Variants in RIF1 observed in about 807,000 individuals in gnomAD.
RIF1 encodes telomere-associated protein RIF1.
Under a neutral mutation model 247.1 loss-of-function variants are expected in RIF1, and 45 were observed. The observed-to-expected ratio is 0.18, with a 90% confidence interval of 0.14 to 0.23. RIF1 has a LOEUF of 0.23. Among genes scored for constraint, RIF1 ranks in the 10% least tolerant of loss-of-function variants. The probability of loss-of-function intolerance (pLI) is 1.00; values close to 1 mark genes in which losing one functional copy is unlikely to be tolerated. For missense variants in RIF1, 2,967 were observed against 2,862.5 expected, an observed-to-expected ratio of 1.04 and a Z score of -0.83; for synonymous variants, 1,087 against 978.8, an observed-to-expected ratio of 1.11 and a Z score of -2.06.
intron 9 of RIF1, chr2:151,492,744 TG>T: frequency 3.2e-6 from 1 of 307,710 alleles, no homozygotes; most frequent in Non-Finnish European, 6.0e-6. Flanking sequence ...GGTATAATTT[TG>T]AAAAGAGAGT....
intron 25 of RIF1, among the ~76,000 whole-genome samples, chr2:151,459,697 G>T (rs1439036331): frequency 6.6e-6 from 1 of 152,178 alleles, no homozygotes; most frequent in Admixed American, 6.5e-5. Context: ...AATATTTTCA[G>T]TTACAGGTAG....
At chr2:151,425,907 G>T (rs1688987440) in intron 8 of RIF1, among the ~76,000 whole-genome samples, 1 of 151,114 alleles carries the variant, frequency 6.6e-6, no homozygotes, top group South Asian at 2.1e-4. Flanking sequence ...TCGAACTTCT[G>T]AGCTCTAGAG....
chr2:151,456,232 A>G (rs984896701), intron 22 of RIF1, among the ~76,000 whole-genome samples: 1 of 152,246 alleles, frequency 6.6e-6, no homozygotes, highest in Non-Finnish European at 1.5e-5. Flanking sequence ...GATTTTATAA[A>G]GTACGATACA....
chr2:151,480,877 G>C lies in RIF1; in HGVS notation c.*5806G>C, dbSNP rs1387847006. 1 of 152,164 alleles carries C rather than the reference G, an allele frequency of 6.6e-6. No individual in the cohort carries two copies. Among genetic ancestry groups the C allele is most frequent in the East Asian group, 1.9e-4 (1 of 5,204 alleles). The allele number at this position is 152,164 out of a possible 1,614,324, so 9.4% of individuals were successfully genotyped here. On this transcript the variant is annotated 3_prime_UTR_variant, in exon 36 of 36. Transcript: ENST00000444746. The stretch of plus-strand genomic sequence containing the variant: ...TCTTAACTCCTAAGTTTTTTACAGA[G>C]CACAGATTGGTAAACTAGCATGCCA...
Position 151,505,791 on chromosome 2 carries a change from C to T in RIF1, c.*862-419C>T, listed in dbSNP as rs577111489. On this transcript the variant is annotated intron_variant and NMD_transcript_variant, in intron 12 of 13. Transcript: ENST00000454583. ...TTGTCTCTCTCTCGTCTCTTTGGGGCAGGGATGGGGGCCCCTATTTAGACT... is the reference window on the plus strand; with the variant it reads ...TTGTCTCTCTCTCGTCTCTTTGGGGTAGGGATGGGGGCCCCTATTTAGACT... Among the ~76,000 whole-genome samples, 25 of 152,250 alleles carry T rather than the reference C, an allele frequency of 1.6e-4. 1 individual carries two copies. The South Asian group carries it at 4.8e-3, about 29-fold the overall frequency.
In RIF1 at chr2:151,476,579, G is replaced by T. The variant is rs1192605254; in HGVS notation, c.*1508G>T. The T allele has an allele frequency of 1.3e-5, 2 of 152,220 alleles. No individual in the cohort carries two copies. Among genetic ancestry groups the T allele is most frequent in the East Asian group, 3.9e-4 (2 of 5,184 alleles). The allele number at this position is 152,220 out of a possible 1,614,324, so 9.4% of individuals were successfully genotyped here. A position where few individuals can be genotyped will look rare whatever the true frequency, so the allele number is the denominator to read the frequency against. On this transcript the variant is annotated 3_prime_UTR_variant, in exon 36 of 36. Coordinates refer to ENST00000444746, the MANE Select transcript of RIF1 (RefSeq NM_018151.5). ...TATTCAGGGATCTCTATAAAAGTTG[G>T]TGTCTTTTTTCATCATCATAAATTC...
rs150202744 is a variant in RIF1, at chr2:151,473,973, C to T, written c.7105C>T (p.Arg2369Cys). Residue 2369 changes from arginine (R) to cysteine (C), a missense_variant, in exon 35 of 36, where the codon CGT (arginine) becomes TGT (cysteine). Physicochemically the swap from Arg to Cys is radical, Grantham distance 180 (BLOSUM62 -3). Coordinates refer to ENST00000444746, the MANE Select transcript of RIF1 (RefSeq NM_018151.5). ...RIYHEQQVKT[R>C]GLEEIPVFDI... Reference sequence around the variant, plus strand: ...TCCAACTGTAATCAAGGTGAAGACTCGTGGACTAGAAGAGATTCCAGTTTT... The same window carrying T: ...TCCAACTGTAATCAAGGTGAAGACTTGTGGACTAGAAGAGATTCCAGTTTT... The T allele has an allele frequency of 1.2e-4, 182 of 1,566,508 alleles. 2 individuals are homozygous for T. In the Admixed American group the frequency reaches 2.0e-3, roughly 17 times the overall value.
rs547364087 is a variant in RIF1 at position 151,435,350 on chromosome 2, C to G, written c.1078-113C>G. The G allele has an allele frequency of 9.9e-4, 672 of 676,034 alleles. 1 individual carries two copies. The highest frequency in any genetic ancestry group is 4.2e-3 in the Middle Eastern group (16 of 3,778). 41.9% of individuals were successfully genotyped at this position (676,034 alleles called of 1,614,324 possible). On this transcript the variant is annotated intron_variant, in intron 10 of 35. Transcript: ENST00000444746. ...TAGCCTGTTTGTGCATGGAAACGAT[C>G]TGTAAAATGGAATATATTAAGGCTC... is the stretch of plus-strand genomic sequence containing the variant.
chr2:151,529,487 A>G, the RIF1 span, among the ~76,000 whole-genome samples: 1 of 152,076 alleles, frequency 6.6e-6, no homozygotes, highest in South Asian at 2.1e-4. Context: ...GCACCTTCCT[A>G]TCTCAGATCA....
chr2:151,496,220 T>A, intron 10 of RIF1: 1 of 1,445,194 alleles, frequency 6.9e-7, no homozygotes, highest in Non-Finnish European at 9.5e-7. Context: ...TTATTTTAAA[T>A]CATAAAAGTA....
At chr2:151,509,938 G>A (rs767220671), downstream of RIF1, among the ~76,000 whole-genome samples, 30 of 152,142 alleles carry the variant, frequency 2.0e-4, no homozygotes, top group South Asian at 4.2e-4. Context: ...CTGGTTACCG[G>A]GAGAAGGCCT....
chr2:151,497,876 A>G lies in RIF1; in HGVS notation c.*514-1469A>G, dbSNP rs904926863. 28 of 1,501,034 alleles carry G rather than the reference A, an allele frequency of 1.9e-5. No homozygotes were observed. In the East Asian group the frequency reaches 2.0e-4, roughly 11 times the overall value. 93.0% of individuals were successfully genotyped at this position (1,501,034 alleles called of 1,614,324 possible). On this transcript the variant is annotated intron_variant and NMD_transcript_variant, in intron 10 of 13. Transcript: ENST00000454583. ...CTTTAGTGGAAGCTGTTGTTGGGATAGGGAATCTGCACCCTCTAGAGAAGC... is the reference window on the plus strand; with the variant it reads ...CTTTAGTGGAAGCTGTTGTTGGGATGGGGAATCTGCACCCTCTAGAGAAGC...
At chr2:151,419,297 C>T (rs1469902587) in intron 6 of RIF1, among the ~76,000 whole-genome samples, 1 of 151,872 alleles carries the variant, frequency 6.6e-6, no homozygotes, top group African/African-American at 2.4e-5. Context: ...TATACATAAA[C>T]CAGTAACTTA....
At chr2:151,466,286 G>A (rs761078379) in intron 30 of RIF1, among the ~76,000 whole-genome samples, 166 bp downstream of exon 30, 3 of 152,060 alleles carry the variant, frequency 2.0e-5, no homozygotes, top group South Asian at 4.1e-4. Flanking sequence ...AAAAGGTTTC[G>A]AAAAAAGGAG....
At position 151,502,832 on chromosome 2, in the gene RIF1, C is replaced by A. The variant is rs975397268; in HGVS notation, c.*710-202C>A. ...CTTGATTGCGTTTGACTCTCTCCAT[C>A]TCTGGAGTGATAGGTGTTGGGATTC... On this transcript the variant is annotated intron_variant and NMD_transcript_variant, in intron 11 of 13. Transcript: ENST00000454583. The A allele has an allele frequency of 1.2e-5, 19 of 1,607,874 alleles. No individual in the cohort carries two copies. The Admixed American group carries it at 3.0e-4, about 26-fold the overall frequency.
At position 151,476,337 on chromosome 2, in the gene RIF1, A is replaced by G. The variant is rs1451045467; in HGVS notation, c.*1266A>G. 1 of 152,196 alleles carries G rather than the reference A, an allele frequency of 6.6e-6. No individual in the cohort carries two copies. Among genetic ancestry groups the G allele is most frequent in the African/African-American group, 2.4e-5 (1 of 41,472 alleles). 9.4% of individuals were successfully genotyped at this position (152,196 alleles called of 1,614,324 possible). A position where few individuals can be genotyped will look rare whatever the true frequency, so the allele number is the denominator to read the frequency against. On this transcript the variant is annotated 3_prime_UTR_variant, in exon 36 of 36. Coordinates refer to ENST00000444746, the MANE Select transcript of RIF1 (RefSeq NM_018151.5). ...TCTTTTTTTAAAGAGGTATGTAATT[A>G]AAACCTTTGTAAAATTTGCCAACTA...
At chr2:151,515,333 G>A in the RIF1 span, among the ~76,000 whole-genome samples, 1 of 152,180 alleles carries the variant, frequency 6.6e-6, no homozygotes, top group Non-Finnish European at 1.5e-5. Context: ...AATCGCAGTG[G>A]AAGGAGAGCC....
rs766961723 is a variant in RIF1, at chr2:151,468,034, A to G, written c.6635A>G (p.Gln2212Arg). Residue 2212 changes from glutamine (Q) to arginine (R), a missense_variant, in exon 31 of 36, where the codon CAA becomes CGA. Physicochemically the swap from Gln to Arg is conservative, Grantham distance 43 (BLOSUM62 1). This residue lies in a region of RIF1 where 2,028 missense variants were observed against 1,825.6 expected (regional missense o/e 1.11). Transcript: ENST00000444746. ...GTCTCCTTTGCAGATCCAATATACC[A>G]AGCAGGATTGGCAGATGACATTGAT... is the stretch of plus-strand genomic sequence containing the variant. ...RRVSFADPIY[Q>R]AGLADDIDRR... 1 of 1,613,802 alleles carries G rather than the reference A, an allele frequency of 6.2e-7. No individual in the cohort carries two copies. The highest frequency in any genetic ancestry group is 1.1e-5 in the South Asian group (1 of 91,048).
rs200727646 is a variant in RIF1 at position 151,465,406 on chromosome 2, A to G, written c.5886A>G (p.Lys1962=). The change falls in exon 30 of 36, where the codon AAA becomes AAG. Residue 1962 remains lysine (K), a synonymous_variant. Coordinates refer to ENST00000444746, the MANE Select transcript of RIF1 (RefSeq NM_018151.5). ...CAGACACAGCTAAACTGAATGCCAAAGAAGTAGCAACTGAGGAATTTAATT... is the reference window on the plus strand; with the variant it reads ...CAGACACAGCTAAACTGAATGCCAAGGAAGTAGCAACTGAGGAATTTAATT... ...SEADTAKLNA[K]EVATEEFNSD... 6 of 1,613,742 alleles carry G rather than the reference A, an allele frequency of 3.7e-6. No homozygotes were observed. The highest frequency in any genetic ancestry group is 5.1e-6 in the Non-Finnish European group (6 of 1,179,836).
Sources: allele counts gnomAD v4.1 joint callset (sites outside exome capture counted in the v4.1 genomes callset), GRCh38; gene constraint gnomAD v4.1.1; regional missense constraint gnomAD v4.1.1; transcripts MANE v1.5; gene names NCBI Gene and HGNC (gene_info 2026-07-23, HGNC 2026-07-21).